The following CAND1 variants were observed in gnomAD, a reference collection of about 807,000 sequenced individuals.
CAND1 encodes cullin-associated NEDD8-dissociated protein 1.
In CAND1, 7 loss-of-function variants were observed where a neutral mutation model predicts 108.5. The ratio of observed to expected loss-of-function variants is 0.06; its 90% CI spans 0.04 to 0.12. The LOEUF (loss-of-function observed/expected upper bound fraction) is 0.12, where lower values mean the gene tolerates loss of function less well. Ranked by LOEUF, CAND1 falls within the 10% of genes least tolerant of loss-of-function variation. CAND1 has a pLI of 1.00. For missense variants in CAND1, 941 were observed against 1,448.7 expected (o/e 0.65, Z 5.69); for synonymous variants, 534 against 512.0 (o/e 1.04, Z -0.58).
chr12:67,269,448 C>T lies in CAND1; in HGVS notation c.-270C>T, dbSNP rs1712677482. 1 of 480,002 alleles carries T rather than the reference C, an allele frequency of 2.1e-6. No homozygotes were observed. The highest frequency in any genetic ancestry group is 4.5e-5 in the Admixed American group (1 of 22,198). 29.7% of individuals were successfully genotyped at this position (480,002 alleles called of 1,614,324 possible). A position where few individuals can be genotyped will look rare whatever the true frequency, so the allele number is the denominator to read the frequency against. On this transcript the variant is annotated 5_prime_UTR_variant, in exon 1 of 15. Transcript: ENST00000545606. ...CTCCCCGTAGAGGCCCTTCTGTACG[C>T]CCCGCCGCCCATGAGCTCGTTCTCA...
chr12:67,297,049 C>T (rs1253007242), intron 4 of CAND1, among the ~76,000 whole-genome samples: 1 of 151,720 alleles, frequency 6.6e-6, no homozygotes, highest in Non-Finnish European at 1.5e-5. Flanking sequence ...CTGCCTGCCT[C>T]AGCCTCCCAA....
At chr12:67,310,105 T>C in intron 12 of CAND1, 35 bp downstream of exon 12, 1 of 1,609,508 alleles carries the variant, frequency 6.2e-7, no homozygotes, top group Non-Finnish European at 8.5e-7. Flanking sequence ...TGAGCTTGTC[T>C]TTGACTTAAG....
intron 2 of CAND1, among the ~76,000 whole-genome samples, chr12:67,283,763 G>T (rs1036438472): frequency 6.6e-6 from 1 of 151,936 alleles, no homozygotes; most frequent in Admixed American, 6.6e-5. Context: ...AGTAATCTTT[G>T]TCCCATATTG....
At chr12:67,301,564 G>A (rs1049698035) in intron 7 of CAND1, among the ~76,000 whole-genome samples, 11 of 152,146 alleles carry the variant, frequency 7.2e-5, no homozygotes, top group Admixed American at 7.2e-4. Flanking sequence ...ATCAAGTATA[G>A]ATAAGTGAGA....
At chr12:67,277,819 A>G (rs574790873) in intron 1 of CAND1, among the ~76,000 whole-genome samples, 3 of 151,986 alleles carry the variant, frequency 2.0e-5, no homozygotes, top group Admixed American at 2.0e-4. Context: ...TTTTTTTTCC[A>G]TCTTCATTGA....
chr12:67,305,759 C>G lies in CAND1; in HGVS notation c.2091C>G (p.Leu697=), dbSNP rs1219146480. Residue 697 remains leucine (L), a synonymous_variant, in exon 10 of 15, where the codon CTC becomes CTG. Coordinates refer to ENST00000545606, the MANE Select transcript of CAND1 (RefSeq NM_018448.5). The surrounding 1 kb of genome is among the most constrained non-coding windows in gnomAD (Gnocchi z 4.4). ...TGATTGATGCAGTTCTAGATGAGCT[C>G]CCACCTCTTATCAGCGAAAGTGATA... ...AAMIDAVLDE[L]PPLISESDMH... The G allele has an allele frequency of 6.2e-7, 1 of 1,614,038 alleles. No individual in the cohort carries two copies. The highest frequency in any genetic ancestry group is 1.3e-5 in the African/African-American group (1 of 74,926).
At position 67,269,915 on chromosome 12, in the gene CAND1, C is replaced by A. The variant is rs115866053; in HGVS notation, c.68+130C>A. ...CTCTGCCCCGAAGTCTCCAGCCCAC[C>A]GGTCCGCTGGCCTCCCGATCCCTGC... On this transcript the variant is annotated intron_variant, in intron 1 of 14. Coordinates refer to ENST00000545606, the MANE Select transcript of CAND1 (RefSeq NM_018448.5). The A allele has an allele frequency of 1.0e-5, 7 of 683,242 alleles. No homozygotes were observed. The highest frequency in any genetic ancestry group is 1.7e-5 in the Non-Finnish European group (7 of 408,950). 42.3% of individuals were successfully genotyped at this position (683,242 alleles called of 1,614,324 possible).
chr12:67,319,198 A>G lies in CAND1; in HGVS notation c.*6368A>G, dbSNP rs17103688. On this transcript the variant is annotated 3_prime_UTR_variant, in exon 15 of 15. Transcript: ENST00000545606. Reference sequence around the variant, plus strand: ...CCTGACCATTTCATCTTTGCACTACATCCTTCACTGTCTCTCTTTTGCCCA... The same window carrying G: ...CCTGACCATTTCATCTTTGCACTACGTCCTTCACTGTCTCTCTTTTGCCCA... 0.06 allele frequency: 9,133 copies of G among 152,248 alleles called. 313 individuals are homozygous for G. The highest frequency in any genetic ancestry group is 0.078 in the African/African-American group (3,249 of 41,514). 9.4% of individuals were successfully genotyped at this position (152,248 alleles called of 1,614,324 possible). A position where few individuals can be genotyped will look rare whatever the true frequency, so the allele number is the denominator to read the frequency against.
chr12:67,282,473 C>T (rs906538604), intron 2 of CAND1, among the ~76,000 whole-genome samples: 6 of 151,988 alleles, frequency 3.9e-5, no homozygotes, highest in African/African-American at 1.2e-4. Flanking sequence ...CAGGGTCTCA[C>T]CTTGTCTCCC....
intron 2 of CAND1, among the ~76,000 whole-genome samples, chr12:67,286,160 A>G (rs1169455449): frequency 1.3e-5 from 2 of 152,004 alleles, no homozygotes; most frequent in African/African-American, 4.8e-5. Flanking sequence ...GGCACCCGCC[A>G]CCACGCCCAA....
At chr12:67,307,155 C>T (rs1455660300) in intron 10 of CAND1, among the ~76,000 whole-genome samples, 1 of 152,118 alleles carries the variant, frequency 6.6e-6, no homozygotes, top group African/African-American at 2.4e-5. Flanking sequence ...TCCACTGCTG[C>T]TTCAAGTCCC....
In CAND1 at chr12:67,318,455, T is replaced by C. The variant is rs2045029812; in HGVS notation, c.*5625T>C. 1 of 152,230 alleles carries C rather than the reference T, an allele frequency of 6.6e-6. No homozygotes were observed. The highest frequency in any genetic ancestry group is 1.5e-5 in the Non-Finnish European group (1 of 68,046). The allele number at this position is 152,230 out of a possible 1,614,324, so 9.4% of individuals were successfully genotyped here. A position where few individuals can be genotyped will look rare whatever the true frequency, so the allele number is the denominator to read the frequency against. Reference sequence around the variant, plus strand: ...TATTGTGAGGATTAAATAGGAACATTGTATAAAGCACTTAAAACAGTACCT... The same window carrying C: ...TATTGTGAGGATTAAATAGGAACATCGTATAAAGCACTTAAAACAGTACCT... On this transcript the variant is annotated 3_prime_UTR_variant, in exon 15 of 15. Transcript: ENST00000545606.
Position 67,298,907 on chromosome 12 carries a change from G to A in CAND1, c.855-43G>A, listed in dbSNP as rs776449443. On this transcript the variant is annotated intron_variant, in intron 6 of 14. Coordinates refer to ENST00000545606, the MANE Select transcript of CAND1 (RefSeq NM_018448.5). Reference sequence around the variant, plus strand: ...AATGTGGCAGGTAATGAATCAAGGAGTAAAATGCAGCTCTTCAAGGCAGCT... The same window carrying A: ...AATGTGGCAGGTAATGAATCAAGGAATAAAATGCAGCTCTTCAAGGCAGCT... 4.1e-6 allele frequency: 5 copies of A among 1,209,274 alleles called. No individual in the cohort carries two copies. The East Asian group carries it at 7.1e-5, about 17-fold the overall frequency. The allele number at this position is 1,209,274 out of a possible 1,614,324, so 74.9% of individuals were successfully genotyped here. A position where few individuals can be genotyped will look rare whatever the true frequency, so the allele number is the denominator to read the frequency against.
At chr12:67,309,805 C>A in intron 11 of CAND1, 96 bp from the exon 12 acceptor site, 1 of 848,746 alleles carries the variant, frequency 1.2e-6, no homozygotes, top group Non-Finnish European at 1.8e-6. Flanking sequence ...ACAATGACAC[C>A]AGCAAAAATA....
intron 1 of CAND1, among the ~76,000 whole-genome samples, chr12:67,274,376 T>G (rs1406719218): frequency 6.6e-6 from 1 of 152,144 alleles, no homozygotes; most frequent in African/African-American, 2.4e-5. Flanking sequence ...AGCCAGGTGT[T>G]GAAAATGAAA....
intron 14 of CAND1, among the ~76,000 whole-genome samples, chr12:67,312,257 T>TA (rs1555183941): frequency 1.3e-5 from 2 of 151,830 alleles, no homozygotes; most frequent in African/African-American, 4.8e-5. Context: ...AAGTGAATAA[T>TA]AGAGTATAGC....
At chr12:67,291,925 T>A (rs1001775243) in intron 2 of CAND1, among the ~76,000 whole-genome samples, 2 of 152,164 alleles carry the variant, frequency 1.3e-5, no homozygotes, top group East Asian at 3.8e-4. Context: ...AGTGCAGTGG[T>A]ACAATCTCGG....
Position 67,311,844 on chromosome 12 carries a change from G to A in CAND1, c.3468+44G>A, listed in dbSNP as rs1298232906. On this transcript the variant is annotated intron_variant, in intron 14 of 14. Coordinates refer to ENST00000545606, the MANE Select transcript of CAND1 (RefSeq NM_018448.5). The stretch of plus-strand genomic sequence containing the variant: ...CAACCTAGGTCAGACTTGGTGTATT[G>A]GGGATTCCTAGCCAATTCTTTTCTC... The A allele has an allele frequency of 5.4e-6, 6 of 1,101,850 alleles. No homozygotes were observed. The Middle Eastern group carries it at 9.9e-4, about 182-fold the overall frequency. 68.3% of individuals were successfully genotyped at this position (1,101,850 alleles called of 1,614,324 possible). A position where few individuals can be genotyped will look rare whatever the true frequency, so the allele number is the denominator to read the frequency against.
At chr12:67,308,572 T>C (rs79558215) in intron 11 of CAND1, among the ~76,000 whole-genome samples, 4,199 of 152,216 alleles carry the variant, frequency 0.028, 92 homozygotes, top group East Asian at 0.09. Context: ...AATTGAATTA[T>C]GATCTAGTTA....
Sources: allele counts gnomAD v4.1 joint callset (sites outside exome capture counted in the v4.1 genomes callset), GRCh38; gene constraint gnomAD v4.1.1; non-coding constraint Gnocchi (gnomAD v3.1); transcripts MANE v1.5; gene names NCBI Gene and HGNC (gene_info 2026-07-23, HGNC 2026-07-21).